Variants in SOD2 observed in about 807,000 individuals in gnomAD.
The protein encoded by SOD2 is superoxide dismutase [Mn], mitochondrial.
A neutral mutation model predicts 27.0 loss-of-function variants in SOD2; 11 were observed. The ratio of observed to expected loss-of-function variants is 0.41; its 90% CI spans 0.26 to 0.67. The LOEUF (loss-of-function observed/expected upper bound fraction) is 0.67. Among genes scored for constraint, SOD2 ranks in the 30% least tolerant of loss-of-function variants. SOD2 has a pLI of 0.34. For missense variants in SOD2, 250 were observed against 274.5 expected, an observed-to-expected ratio of 0.91 and a Z score of 0.63; for synonymous variants, 105 against 103.0, an observed-to-expected ratio of 1.02 and a Z score of -0.12.
intron 1 of SOD2, chr6:159,755,736 GTTTTTTTTCTTTGTTTTTTTTTTCTTTTC>G: frequency 2.7e-6 from 1 of 364,762 alleles, no homozygotes; most frequent in Non-Finnish European, 3.4e-6. Flanking sequence ...TTTTTTTGTT[GTTTTTTTTCTTTGTTTTTTTTTTCTTTTC>G]TTTTTTTTTT....
chr6:159,711,768 A>G (rs1357027888), intron 1 of SOD2, among the ~76,000 whole-genome samples: 40 of 84,838 alleles, frequency 4.7e-4, no homozygotes, highest in African/African-American at 1.0e-3. Flanking sequence ...CACCATAACC[A>G]CCTCCATAAC....
chr6:159,717,790 C>A (rs1583043966), intron 1 of SOD2, among the ~76,000 whole-genome samples: 1 of 152,008 alleles, frequency 6.6e-6, no homozygotes, highest in Admixed American at 6.6e-5. Flanking sequence ...TTAGCTTTCA[C>A]CTATCAGTGA....
chr6:159,742,883 T>C (rs1779346083), intron 1 of SOD2, among the ~76,000 whole-genome samples: 1 of 151,570 alleles, frequency 6.6e-6, no homozygotes, highest in African/African-American at 2.4e-5. Flanking sequence ...TAGGGAGACC[T>C]TGTCTCTACA....
intron 4 of SOD2, among the ~76,000 whole-genome samples, chr6:159,683,484 C>T (rs929309938): frequency 1.3e-5 from 2 of 152,148 alleles, no homozygotes; most frequent in Non-Finnish European, 2.9e-5. Context: ...GACTCCATCA[C>T]GCACACACAA....
At chr6:159,732,886 A>AGTGTGTGTGTGTGT (rs67554039) in intron 1 of SOD2, among the ~76,000 whole-genome samples, 1,533 of 146,460 alleles carry the variant, frequency 0.01, 30 homozygotes, top group African/African-American at 0.027. Context: ...ATATATATAT[A>AGTGTGTGTGTGTGT]GTGTGTGTGT....
At chr6:159,730,187 A>G (rs61565791), upstream of SOD2, among the ~76,000 whole-genome samples, 12,753 of 152,244 alleles carry the variant, frequency 0.084, 1,186 homozygotes, top group African/African-American at 0.22. Context: ...AATGACTAAC[A>G]GTCATTTTCA....
chr6:159,740,126 T>G (rs1583082241), intron 1 of SOD2, among the ~76,000 whole-genome samples: 1 of 151,792 alleles, frequency 6.6e-6, no homozygotes, highest in Non-Finnish European at 1.5e-5. Context: ...ATTACAGGCA[T>G]GGGCCACCAT....
chr6:159,758,146 T>C (rs1019955416), intron 1 of SOD2, among the ~76,000 whole-genome samples: 2 of 152,164 alleles, frequency 1.3e-5, no homozygotes, highest in East Asian at 3.9e-4. Context: ...GTTTGAATCC[T>C]GGTATTACAC....
chr6:159,718,496 A>C (rs1345805906), intron 1 of SOD2, among the ~76,000 whole-genome samples: 2 of 152,226 alleles, frequency 1.3e-5, no homozygotes, highest in Non-Finnish European at 2.9e-5. Context: ...TTTAAAAAAA[A>C]CTTAGAATGT....
intron 1 of SOD2, among the ~76,000 whole-genome samples, chr6:159,715,470 G>A (rs752897607): frequency 6.6e-6 from 1 of 151,654 alleles, no homozygotes; most frequent in Middle Eastern, 3.4e-3. Context: ...TTTAATTTGT[G>A]GGGAACAAAA....
At chr6:159,752,279 C>T (rs1779848126) in intron 1 of SOD2, among the ~76,000 whole-genome samples, 1 of 152,194 alleles carries the variant, frequency 6.6e-6, no homozygotes, top group African/African-American at 2.4e-5. Flanking sequence ...AAGAATGTCA[C>T]ACTGTCTTTA....
chr6:159,745,556 CAAGG>C (rs1203966452), upstream of SOD2, among the ~76,000 whole-genome samples: 1 of 151,452 alleles, frequency 6.6e-6, no homozygotes, highest in East Asian at 1.9e-4. Context: ...AGCAAAATCA[CAAGG>C]AAAGGTCAAG....
chr6:159,747,812 G>T (rs556493365), upstream of SOD2, among the ~76,000 whole-genome samples: 2 of 152,248 alleles, frequency 1.3e-5, no homozygotes, highest in Non-Finnish European at 2.9e-5. Context: ...GGATTGTAAA[G>T]TAAAATGTAT....
chr6:159,702,013 T>C (rs1330313461), intron 1 of SOD2, among the ~76,000 whole-genome samples: 2 of 152,120 alleles, frequency 1.3e-5, no homozygotes, highest in Non-Finnish European at 2.9e-5. Flanking sequence ...GTATCTAAGG[T>C]TTTTCCTACT....
At chr6:159,709,027 A>G (rs1777679974) in intron 1 of SOD2, among the ~76,000 whole-genome samples, 1 of 152,234 alleles carries the variant, frequency 6.6e-6, no homozygotes, top group Non-Finnish European at 1.5e-5. Flanking sequence ...AGGATTCCCT[A>G]TTTAATAAAT....
In SOD2 at chr6:159,669,689, T is replaced by TC. The variant is rs1779614265; in HGVS notation, c.*12803_*12804insG. On this transcript the variant is annotated 3_prime_UTR_variant, in exon 5 of 5. Transcript: ENST00000538183. The stretch of plus-strand genomic sequence containing the variant: ...AAATATGATTATATCTTGCATGAAT[T>TC]GATCCTTGTTTCATTACATAATGAC... 6.6e-6 allele frequency: 1 copy of TC among 152,218 alleles called. No individual in the cohort carries two copies. Among genetic ancestry groups the TC allele is most frequent in the South Asian group, 2.1e-4 (1 of 4,830 alleles). 9.4% of individuals were successfully genotyped at this position (152,218 alleles called of 1,614,324 possible). A position where few individuals can be genotyped will look rare whatever the true frequency, so the allele number is the denominator to read the frequency against.
exon 1 of SOD2, chr6:159,761,527 A>G (rs1398902413): frequency 4.4e-6 from 2 of 456,078 alleles, no homozygotes; most frequent in East Asian, 1.4e-4. Context: ...AGAAACGCAT[A>G]GGACCTCCCG....
At chr6:159,702,676 A>AAG (rs1554260554) in intron 1 of SOD2, among the ~76,000 whole-genome samples, 55 of 143,114 alleles carry the variant, frequency 3.8e-4, no homozygotes, top group African/African-American at 1.4e-3. Flanking sequence ...AAAAAAAAAA[A>AAG]AAAGAAAGAA....
chr6:159,712,370 C>T (rs1343739328), intron 1 of SOD2, among the ~76,000 whole-genome samples: 53 of 111,508 alleles, frequency 4.8e-4, no homozygotes, highest in East Asian at 1.4e-3. Context: ...GCTGCTCTGA[C>T]CTCCATAACC....
Sources: allele counts gnomAD v4.1 joint callset (sites outside exome capture counted in the v4.1 genomes callset), GRCh38; gene constraint gnomAD v4.1.1; transcripts MANE v1.5; gene names NCBI Gene and HGNC (gene_info 2026-07-23, HGNC 2026-07-21).